SCAPER: variants seen among roughly 807,000 people sequenced by gnomAD.
SCAPER encodes S-phase cyclin A associated protein in the ER.
SCAPER carries 98 observed loss-of-function variants against 182.2 expected under a neutral mutation model. The ratio of observed to expected loss-of-function variants is 0.54; its 90% CI spans 0.46 to 0.64. SCAPER has a LOEUF of 0.64. Among genes scored for constraint, SCAPER ranks in the 30% least tolerant of loss-of-function variants. The pLI, the probability that SCAPER is intolerant of heterozygous loss-of-function variation, is 0.00. For synonymous variants in SCAPER, 605 were observed against 564.6 expected (o/e 1.07, Z -1.01); for missense variants, 1,432 against 1,690.0 (o/e 0.85, Z 2.68).
intron 20 of SCAPER, 68 bp downstream of exon 20, chr15:76,701,690 C>A: frequency 8.2e-7 from 1 of 1,220,568 alleles, no homozygotes; most frequent in South Asian, 1.3e-5. Context: ...ACACGGAATT[C>A]TTTATAATAA....
chr15:76,782,098 T>G (rs1340606735), intron 8 of SCAPER, among the ~76,000 whole-genome samples: 1 of 152,066 alleles, frequency 6.6e-6, no homozygotes, highest in Non-Finnish European at 1.5e-5. Context: ...ACTGGCAAAT[T>G]GGACAGAGTC....
intron 4 of SCAPER, among the ~76,000 whole-genome samples, chr15:76,852,923 AAGAT>A (rs1421066702): frequency 6.6e-6 from 1 of 152,204 alleles, no homozygotes; most frequent in Non-Finnish European, 1.5e-5. Context: ...AAAAATTAAT[AAGAT>A]AGGCCACTAG....
chr15:76,866,260 C>CGTGT (rs965292328), intron 2 of SCAPER, among the ~76,000 whole-genome samples: 1 of 146,046 alleles, frequency 6.8e-6, no homozygotes, highest in Non-Finnish European at 1.5e-5. Flanking sequence ...TGTGTGTGTG[C>CGTGT]GTGTGTGTGT....
intron 26 of SCAPER, among the ~76,000 whole-genome samples, chr15:76,417,646 G>C (rs1471726278): frequency 6.6e-6 from 1 of 152,170 alleles, no homozygotes; most frequent in Non-Finnish European, 1.5e-5. Context: ...CTAGATATGT[G>C]GTCAGGGTCT....
intron 27 of SCAPER, chr15:76,385,108 C>G (rs1292552770): frequency 6.6e-6 from 1 of 152,120 alleles, no homozygotes; most frequent in Non-Finnish European, 1.5e-5. Context: ...AAGCTAGATT[C>G]AATTAGGAAA....
intron 26 of SCAPER, among the ~76,000 whole-genome samples, chr15:76,429,141 G>T (rs2046681203): frequency 6.6e-6 from 1 of 151,950 alleles, no homozygotes; most frequent in Non-Finnish European, 1.5e-5. Context: ...ATCCACGTAA[G>T]TTGTGACTTG....
At chr15:76,461,471 T>C (rs1168071236) in intron 25 of SCAPER, among the ~76,000 whole-genome samples, 1 of 148,356 alleles carries the variant, frequency 6.7e-6, no homozygotes, top group East Asian at 1.9e-4. Context: ...ATTACTTTGG[T>C]TTTTGCCTAA....
At chr15:76,883,133 C>CCTTCTCTCT (rs755927635) in intron 2 of SCAPER, among the ~76,000 whole-genome samples, 5 of 152,098 alleles carry the variant, frequency 3.3e-5, no homozygotes, top group Non-Finnish European at 7.3e-5. Flanking sequence ...CCAGGCCAGA[C>CCTTCTCTCT]AATAAGAGAG....
intron 23 of SCAPER, among the ~76,000 whole-genome samples, chr15:76,539,659 C>A (rs543495028): frequency 3.6e-4 from 54 of 150,850 alleles, no homozygotes; most frequent in Non-Finnish European, 6.6e-4. Flanking sequence ...CATTCTCCTG[C>A]CTCAGCCTCC....
chr15:76,501,607 T>A (rs1306539340), intron 24 of SCAPER, among the ~76,000 whole-genome samples: 1 of 152,242 alleles, frequency 6.6e-6, no homozygotes, highest in African/African-American at 2.4e-5. Context: ...CTTAAACTTA[T>A]CAAATCCTCT....
At chr15:76,579,277 A>AAAAAG in intron 22 of SCAPER, among the ~76,000 whole-genome samples, 1 of 150,300 alleles carries the variant, frequency 6.7e-6, no homozygotes, top group Non-Finnish European at 1.5e-5. Flanking sequence ...AAAAAAAAAA[A>AAAAAG]AAAAAAAAAA....
intron 24 of SCAPER, among the ~76,000 whole-genome samples, chr15:76,494,935 C>T (rs756810422): frequency 1.1e-4 from 16 of 152,020 alleles, no homozygotes; most frequent in Non-Finnish European, 1.8e-4. Context: ...GATGCTCAAA[C>T]GTAGCTCAGC....
chr15:76,563,601 C>T (rs980476273), intron 23 of SCAPER, among the ~76,000 whole-genome samples: 1 of 152,154 alleles, frequency 6.6e-6, no homozygotes, highest in Admixed American at 6.6e-5. Context: ...CAAAGAAGAG[C>T]TAGTACTATT....
chr15:76,670,985 A>G (rs2056972319), intron 20 of SCAPER, among the ~76,000 whole-genome samples: 1 of 152,184 alleles, frequency 6.6e-6, no homozygotes, highest in African/African-American at 2.4e-5. Context: ...AGCTTTTTCA[A>G]CACTGAGGGA....
chr15:76,789,045 G>GT (rs1478346744), intron 8 of SCAPER, among the ~76,000 whole-genome samples: 1 of 152,082 alleles, frequency 6.6e-6, no homozygotes, highest in East Asian at 1.9e-4. Context: ...CATTTCTCTT[G>GT]TAATTGTTTA....
rs925978611 is a variant in SCAPER, at chr15:76,662,975, T to TA, written c.2645+2677dup. Among the ~76,000 whole-genome samples, 12 of 151,956 alleles carry TA rather than the reference T, an allele frequency of 7.9e-5. No individual in the cohort carries two copies. The East Asian group carries it at 1.2e-3, about 15-fold the overall frequency. On this transcript the variant is annotated intron_variant, in intron 21 of 31. Transcript: ENST00000563290. ...ACTGATAAAGCATATATCATTAAAATAAAAAAAATTTGCTTATCAAAAGCT... is the reference window on the plus strand; with the variant it reads ...ACTGATAAAGCATATATCATTAAAATAAAAAAAAATTTGCTTATCAAAAGCT...
At chr15:76,895,710 T>C (rs2074392600) in intron 1 of SCAPER, among the ~76,000 whole-genome samples, 1 of 152,154 alleles carries the variant, frequency 6.6e-6, no homozygotes, top group Non-Finnish European at 1.5e-5. Flanking sequence ...GTAGCTTTTC[T>C]ATACACTAAC....
intron 5 of SCAPER, among the ~76,000 whole-genome samples, chr15:76,814,408 G>A (rs1337346693): frequency 6.6e-6 from 1 of 152,122 alleles, no homozygotes; most frequent in African/African-American, 2.4e-5. Flanking sequence ...CATACAGACA[G>A]ACATGAAGAC....
chr15:76,621,429 T>A (rs118112319), intron 22 of SCAPER, among the ~76,000 whole-genome samples: 1 of 152,152 alleles, frequency 6.6e-6, no homozygotes, highest in African/African-American at 2.4e-5. Context: ...CCTGATCTGT[T>A]AGAACAGGGA....
Sources: gnomAD v4.1 joint callset for allele counts (sites outside exome capture counted in the v4.1 genomes callset) on GRCh38, gnomAD v4.1.1 for gene constraint, MANE v1.5 for transcripts, NCBI Gene and HGNC (gene_info 2026-07-23, HGNC 2026-07-21) for gene names.